NOSIP: variants seen among roughly 807,000 people sequenced by gnomAD.
NOSIP encodes the protein nitric oxide synthase-interacting protein.
A neutral mutation model predicts 36.4 loss-of-function variants in NOSIP; 25 were observed. That is an observed-to-expected ratio of 0.69 (90% CI 0.50 to 0.96). The LOEUF (loss-of-function observed/expected upper bound fraction) is 0.96. NOSIP is among the 40% of genes least tolerant of loss of function. The probability of loss-of-function intolerance (pLI) is 0.00; values close to 1 mark genes in which losing one functional copy is unlikely to be tolerated. For missense variants in NOSIP, 370 were observed against 429.0 expected, an observed-to-expected ratio of 0.86 and a Z score of 1.21; for synonymous variants, 187 against 179.2, an observed-to-expected ratio of 1.04 and a Z score of -0.35.
In NOSIP at chr19:49,556,614, G is replaced by A. The variant is rs2080251297; in HGVS notation, c.660C>T (p.Arg220=). 6.2e-7 allele frequency: 1 copy of A among 1,607,888 alleles called. No homozygotes were observed. Among genetic ancestry groups the A allele is most frequent in the Non-Finnish European group, 8.5e-7 (1 of 1,179,754 alleles). Residue 220 remains arginine (R), a synonymous_variant, in exon 7 of 9, where the codon CGC becomes CGT. Coordinates refer to ENST00000596358, the MANE Select transcript of NOSIP (RefSeq NM_001270960.2). ...TGTCGCGGGTCACGGCACACACGTAGCGCTCGCTGCGGGTGATGAGCCCCA... is the reference window on the plus strand; with the variant it reads ...TGTCGCGGGTCACGGCACACACGTAACGCTCGCTGCGGGTGATGAGCCCCA... ...DRVGLITRSE[R]YVCAVTRDSL... is the part of the protein sequence containing the mutation.
chr19:49,555,943 G>A (rs1004558764), intron 8 of NOSIP, 121 bp from the exon 9 acceptor site: 1 of 698,544 alleles, frequency 1.4e-6, no homozygotes, highest in Non-Finnish European at 2.5e-6. Flanking sequence ...CTAAGGAGTA[G>A]GAGTTGGGGA....
Position 49,556,317 on chromosome 19 carries a change from C to G in NOSIP, c.834G>C (p.Arg278=). 1 of 1,608,722 alleles carries G rather than the reference C, an allele frequency of 6.2e-7. No homozygotes were observed. Among genetic ancestry groups the G allele is most frequent in the Non-Finnish European group, 8.5e-7 (1 of 1,177,244 alleles). The stretch of plus-strand genomic sequence containing the variant: ...GGAAGGGGAGGGGTGGGACTCTTAC[C>G]CGCTGCAGCACGATGATGTCGCGGT... ...LTDRDIIVLQ[R]GGTGFAGSGV... Residue 278 remains arginine (R), a splice_region_variant and synonymous_variant, in exon 8 of 9, where the codon CGG becomes CGC. Coordinates refer to ENST00000596358, the MANE Select transcript of NOSIP (RefSeq NM_001270960.2).
chr19:49,575,418 C>T (rs1229414209), intron 1 of NOSIP, among the ~76,000 whole-genome samples: 2 of 152,172 alleles, frequency 1.3e-5, no homozygotes, highest in South Asian at 2.1e-4. Flanking sequence ...CTTCAATATA[C>T]GAATCTGGGG....
intron 1 of NOSIP, among the ~76,000 whole-genome samples, chr19:49,568,435 A>G (rs187859021): frequency 6.3e-4 from 95 of 151,996 alleles, no homozygotes; most frequent in South Asian, 1.9e-3. Flanking sequence ...TGCTTTGTGT[A>G]TTCCCACACA....
chr19:49,579,947 A>G (rs1254687078), intron 1 of NOSIP, among the ~76,000 whole-genome samples: 1 of 152,072 alleles, frequency 6.6e-6, no homozygotes, highest in Non-Finnish European at 1.5e-5. Context: ...CAGAATTAGC[A>G]GCACAATCAG....
At chr19:49,564,436 A>G (rs981142932) in intron 1 of NOSIP, among the ~76,000 whole-genome samples, 1 of 145,648 alleles carries the variant, frequency 6.9e-6, no homozygotes, top group Non-Finnish European at 1.5e-5. Flanking sequence ...CCTAGGGGAC[A>G]GAGCGAGACT....
At chr19:49,570,234 G>A (rs1204460104) in intron 1 of NOSIP, among the ~76,000 whole-genome samples, 1 of 152,086 alleles carries the variant, frequency 6.6e-6, no homozygotes, top group African/African-American at 2.4e-5. Context: ...CAGAAGTTGG[G>A]GTGGGGAGCA....
rs2080245766 is a variant in NOSIP, at chr19:49,556,365, A to G, written c.786T>C (p.Pro262=). 6.2e-7 allele frequency: 1 copy of G among 1,613,696 alleles called. No individual in the cohort carries two copies. The stretch of plus-strand genomic sequence containing the variant: ...GGTCTGTGAGTTTGTCTCCAGTCAC[A>G]GGGTCCACCATGTCCTTCCGAATCA... The part of the protein sequence containing the change: ...EKLIRKDMVD[P]VTGDKLTDRD... Residue 262 remains proline, a synonymous_variant, in exon 8 of 9, where the codon CCT becomes CCC. Coordinates refer to ENST00000596358, the MANE Select transcript of NOSIP (RefSeq NM_001270960.2).
chr19:49,570,097 T>C (rs2080465537), intron 1 of NOSIP, among the ~76,000 whole-genome samples: 1 of 142,836 alleles, frequency 7.0e-6, no homozygotes, highest in South Asian at 2.3e-4. Flanking sequence ...TGACAGACAC[T>C]CATCTCAAAA....
chr19:49,574,862 A>ATTTT (rs1257395416), intron 1 of NOSIP, among the ~76,000 whole-genome samples: 2 of 136,192 alleles, frequency 1.5e-5, no homozygotes, highest in African/African-American at 2.7e-5. Flanking sequence ...TGCCTGGCTA[A>ATTTT]TTTTTTTTTT....
chr19:49,569,709 G>A (rs146278155), intron 1 of NOSIP, among the ~76,000 whole-genome samples: 3,989 of 151,994 alleles, frequency 0.026, 146 homozygotes, highest in African/African-American at 0.084. Context: ...TCAGGAGGCT[G>A]AGGCAAGAGA....
intron 1 of NOSIP, among the ~76,000 whole-genome samples, chr19:49,565,962 T>C (rs895959931): frequency 1.3e-5 from 2 of 152,132 alleles, no homozygotes; most frequent in Non-Finnish European, 2.9e-5. Flanking sequence ...TGGTACCCAA[T>C]GTCTAGCACG....
intron 1 of NOSIP, chr19:49,566,899 C>T (rs1239253947): frequency 6.6e-6 from 1 of 150,634 alleles, no homozygotes; most frequent in Non-Finnish European, 1.5e-5. Flanking sequence ...ACTGCAACCT[C>T]TGCCTCCCAG....
At chr19:49,572,148 T>C (rs1356618164) in intron 1 of NOSIP, among the ~76,000 whole-genome samples, 2 of 150,602 alleles carry the variant, frequency 1.3e-5, no homozygotes, top group African/African-American at 2.4e-5. Context: ...TTTTATCACC[T>C]AGGGTGGAGT....
chr19:49,566,982 ATTG>A (rs1205397317), intron 1 of NOSIP, among the ~76,000 whole-genome samples: 3 of 147,310 alleles, frequency 2.0e-5, no homozygotes, highest in African/African-American at 7.6e-5. Flanking sequence ...TGCCCAGCTA[ATTG>A]TTGTATTTTT....
intron 5 of NOSIP, 30 bp from the exon 6 acceptor site, chr19:49,557,023 GC>G: frequency 1.3e-6 from 2 of 1,591,204 alleles, no homozygotes; most frequent in Non-Finnish European, 1.7e-6. Context: ...CTCAGATGCC[GC>G]CCCCTGGGCC....
At chr19:49,562,688 C>G (rs1292253529) in intron 1 of NOSIP, among the ~76,000 whole-genome samples, 1 of 152,120 alleles carries the variant, frequency 6.6e-6, no homozygotes, top group Non-Finnish European at 1.5e-5. Flanking sequence ...CGAGACCATC[C>G]TGGCCAACAT....
At chr19:49,569,966 G>T (rs893532398) in intron 1 of NOSIP, among the ~76,000 whole-genome samples, 1 of 151,734 alleles carries the variant, frequency 6.6e-6, no homozygotes, top group South Asian at 2.1e-4. Flanking sequence ...ACAAAAATGA[G>T]CCAGTCGTGG....
intron 1 of NOSIP, among the ~76,000 whole-genome samples, chr19:49,574,533 C>A (rs1241236372): frequency 2.0e-5 from 3 of 152,178 alleles, no homozygotes; most frequent in Admixed American, 2.0e-4. Flanking sequence ...TGCCACCTGT[C>A]TCAGTCTGCT....
Sources: gnomAD v4.1 joint callset for allele counts (sites outside exome capture counted in the v4.1 genomes callset) on GRCh38, gnomAD v4.1.1 for gene constraint, MANE v1.5 for transcripts, NCBI Gene and HGNC (gene_info 2026-07-23, HGNC 2026-07-21) for gene names.